Variants in MCF2L2 observed in about 807,000 individuals in gnomAD.
MCF2L2 encodes MCF.2 cell line derived transforming sequence-like 2, also known as probable guanine nucleotide exchange factor MCF2L2.
Under a neutral mutation model 150.2 loss-of-function variants are expected in MCF2L2, and 102 were observed. That is an observed-to-expected ratio of 0.68 (90% CI 0.58 to 0.80). The LOEUF is 0.80. Among genes scored for constraint, MCF2L2 ranks in the 30% least tolerant of loss-of-function variants. The pLI is 0.00. For synonymous variants in MCF2L2, 465 were observed against 491.3 expected, an observed-to-expected ratio of 0.95 and a Z score of 0.71; for missense variants, 1,256 against 1,372.8, an observed-to-expected ratio of 0.91 and a Z score of 1.34.
chr3:183,396,886 A>G (rs1232554133), intron 1 of MCF2L2, among the ~76,000 whole-genome samples: 2 of 152,230 alleles, frequency 1.3e-5, no homozygotes, highest in Non-Finnish European at 2.9e-5. Flanking sequence ...TGATGCAACC[A>G]CAAGCCAAGA....
At chr3:183,345,969 A>G (rs759705430) in intron 3 of MCF2L2, among the ~76,000 whole-genome samples, 10 of 152,360 alleles carry the variant, frequency 6.6e-5, no homozygotes, top group Non-Finnish European at 1.3e-4. Context: ...AGATGGATAC[A>G]CAGCCAAATT....
intron 3 of MCF2L2, among the ~76,000 whole-genome samples, chr3:183,369,229 T>C (rs1712714658): frequency 6.6e-6 from 1 of 152,180 alleles, no homozygotes; most frequent in Non-Finnish European, 1.5e-5. Flanking sequence ...TCCCCCTCCC[T>C]TGCTAACCAC....
At chr3:183,327,211 G>C (rs971867358) in intron 5 of MCF2L2, among the ~76,000 whole-genome samples, 1 of 152,156 alleles carries the variant, frequency 6.6e-6, no homozygotes, top group African/African-American at 2.4e-5. Context: ...TGTAATCCCA[G>C]CTACTTGGGA....
intron 1 of MCF2L2, among the ~76,000 whole-genome samples, chr3:183,398,797 A>G (rs1714595946): frequency 6.6e-6 from 1 of 152,150 alleles, no homozygotes; most frequent in Non-Finnish European, 1.5e-5. Flanking sequence ...TCTTTTAGAT[A>G]CTCACAAAAC....
intron 5 of MCF2L2, among the ~76,000 whole-genome samples, chr3:183,334,879 C>T (rs1730411517): frequency 1.3e-5 from 2 of 150,692 alleles, no homozygotes; most frequent in Non-Finnish European, 2.9e-5. Context: ...CTAAGGCGGA[C>T]AGATGGCTTG....
rs189913070 is a variant in MCF2L2 at position 183,228,160 on chromosome 3, A to T, written c.2115+137T>A. ...TATATGCAATTTTTATTTACCAATT[A>T]TACTTCAGTAAAGCTTGGAGTCGGA... On this transcript the variant is annotated intron_variant, in intron 18 of 29. Coordinates refer to ENST00000328913, the MANE Select transcript of MCF2L2 (RefSeq NM_015078.4). The T allele has an allele frequency of 4.4e-4, 285 of 640,526 alleles. 3 individuals carry two copies. The highest frequency in any genetic ancestry group is 3.1e-3 in the Admixed American group (113 of 36,932). The allele number at this position is 640,526 out of a possible 1,614,324, so 39.7% of individuals were successfully genotyped here. A position where few individuals can be genotyped will look rare whatever the true frequency, so the allele number is the denominator to read the frequency against.
chr3:183,407,995 G>T lies in MCF2L2; in HGVS notation c.77-18216C>A, dbSNP rs528160970. Among the ~76,000 whole-genome samples the T allele has an allele frequency of 2.0e-5, 3 of 152,256 alleles. No homozygotes were observed. In the East Asian group the frequency reaches 5.8e-4, roughly 29 times the overall value. On this transcript the variant is annotated intron_variant, in intron 1 of 29. Coordinates refer to ENST00000328913, the MANE Select transcript of MCF2L2 (RefSeq NM_015078.4). ...GGTAAGGGCCTGTGAAACCCTGAGG[G>T]CTAGGGTGGCCAGGGGACACTTTTG...
intron 9 of MCF2L2, 145 bp downstream of exon 9, chr3:183,310,770 G>T (rs1105133): frequency 0.029 from 17,540 of 611,596 alleles, 2,266 homozygotes; most frequent in African/African-American, 0.29. Context: ...GGGGTTGGAG[G>T]GGGTGGTCTG....
chr3:183,270,916 G>C lies in MCF2L2; in HGVS notation c.1862+5956C>G, dbSNP rs762989510. 1.3e-6 allele frequency: 2 copies of C among 1,582,236 alleles called. No homozygotes were observed. The highest frequency in any genetic ancestry group is 1.7e-6 in the Non-Finnish European group (2 of 1,167,780). ...ATTAGCTATGTGGACACATACCCTT[G>C]TAGGGCTGCGTTTATCTAATAGTAC... On this transcript the variant is annotated intron_variant, in intron 15 of 29. Transcript: ENST00000328913. The surrounding 1 kb of genome is among the most constrained non-coding windows in gnomAD (Gnocchi z 4.5).
chr3:183,218,661 T>C (rs1390260798), intron 21 of MCF2L2, among the ~76,000 whole-genome samples: 2 of 152,048 alleles, frequency 1.3e-5, no homozygotes, highest in Non-Finnish European at 2.9e-5. Flanking sequence ...AGAAATAATT[T>C]TTTTTTAAAG....
chr3:183,255,479 A>G (rs935846308), intron 15 of MCF2L2, among the ~76,000 whole-genome samples: 1 of 152,150 alleles, frequency 6.6e-6, no homozygotes, highest in Non-Finnish European at 1.5e-5. Context: ...CCTCCCGCAC[A>G]CGCTCTGAGC....
intron 26 of MCF2L2, among the ~76,000 whole-genome samples, chr3:183,194,587 GA>G (rs1437168311): frequency 6.6e-6 from 1 of 152,056 alleles, no homozygotes; most frequent in East Asian, 1.9e-4. Context: ...GAAAGCTCAA[GA>G]AAACAGCCAA....
intron 1 of MCF2L2, chr3:183,400,256 T>C: frequency 3.0e-6 from 1 of 331,140 alleles, no homozygotes; most frequent in Non-Finnish European, 6.0e-6. Flanking sequence ...AAGATTTTTT[T>C]TAATGTAAAA....
At chr3:183,200,766 T>C (rs1330662378) in intron 25 of MCF2L2, among the ~76,000 whole-genome samples, 1 of 152,354 alleles carries the variant, frequency 6.6e-6, no homozygotes, top group Non-Finnish European at 1.5e-5. Context: ...GGTCTAACAT[T>C]TAAGTCTTTA....
At position 183,283,602 on chromosome 3, in the gene MCF2L2, C is replaced by T. The variant is rs1727627310; in HGVS notation, c.1776+5518G>A. Among the ~76,000 whole-genome samples, 1 of 151,854 alleles carries T rather than the reference C, an allele frequency of 6.6e-6. No homozygotes were observed. ...AGTGGCACCATCTTGGCTCACTGCA[C>T]CCTCTGCCTCCCAGGTTCAAGTGAT... is the stretch of plus-strand genomic sequence containing the variant. On this transcript the variant is annotated intron_variant, in intron 14 of 29. Transcript: ENST00000328913. The surrounding 1 kb of genome is among the most constrained non-coding windows in gnomAD (Gnocchi z 4.2).
chr3:183,294,477 G>A (rs1365852811), intron 13 of MCF2L2, among the ~76,000 whole-genome samples: 1 of 151,224 alleles, frequency 6.6e-6, no homozygotes, highest in Non-Finnish European at 1.5e-5. Context: ...TCAGCCTCCT[G>A]AGTAGCTGGG....
At chr3:183,233,113 G>C (rs547593893) in intron 15 of MCF2L2, among the ~76,000 whole-genome samples, 4 of 152,172 alleles carry the variant, frequency 2.6e-5, no homozygotes, top group Admixed American at 6.5e-5. Flanking sequence ...CACTCTGGGA[G>C]GCTGAGGCAG....
At chr3:183,229,532 A>G in intron 17 of MCF2L2, 134 bp downstream of exon 17, 2 of 505,766 alleles carry the variant, frequency 4.0e-6, no homozygotes, top group East Asian at 6.6e-5. Flanking sequence ...ACCCACCCCA[A>G]TCCAATCCAC....
intron 15 of MCF2L2, among the ~76,000 whole-genome samples, chr3:183,260,692 A>T (rs1215560819): frequency 6.6e-6 from 1 of 152,182 alleles, no homozygotes; most frequent in Non-Finnish European, 1.5e-5. Context: ...CAGGAAACAG[A>T]TCTACACCCA....
Sources: allele counts gnomAD v4.1 joint callset (sites outside exome capture counted in the v4.1 genomes callset), GRCh38; gene constraint gnomAD v4.1.1; non-coding constraint Gnocchi (gnomAD v3.1); transcripts MANE v1.5; gene names NCBI Gene and HGNC (gene_info 2026-07-23, HGNC 2026-07-21).